Variants in SFMBT2 observed in about 807,000 individuals in gnomAD.
The protein encoded by SFMBT2 is Scm like with four mbt domains 2, also known as scm-like with four MBT domains protein 2.
SFMBT2 carries 38 observed loss-of-function variants against 110.1 expected under a neutral mutation model. The ratio of observed to expected loss-of-function variants is 0.35; its 90% CI spans 0.27 to 0.45. The LOEUF (loss-of-function observed/expected upper bound fraction) is 0.45. SFMBT2 is among the 20% of genes least tolerant of loss of function. The probability of loss-of-function intolerance (pLI) is 1.00; values close to 1 mark genes in which losing one functional copy is unlikely to be tolerated. For missense variants in SFMBT2, 1,011 were observed against 1,094.9 expected, an observed-to-expected ratio of 0.92 and a Z score of 1.08; for synonymous variants, 425 against 425.4, an observed-to-expected ratio of 1.00 and a Z score of 0.01.
At chr10:7,387,546 C>T (rs940537166) in intron 1 of SFMBT2, among the ~76,000 whole-genome samples, 3 of 151,872 alleles carry the variant, frequency 2.0e-5, no homozygotes, top group African/African-American at 7.3e-5. Context: ...GATAGGAAGG[C>T]GAGCTTGGGT....
chr10:7,273,423 T>C (rs140131997), intron 7 of SFMBT2, among the ~76,000 whole-genome samples: 66 of 152,344 alleles, frequency 4.3e-4, no homozygotes, highest in African/African-American at 1.5e-3. Flanking sequence ...GAGAGCTAAG[T>C]TGTAAAATCA....
At chr10:7,350,523 T>C (rs1844278266) in intron 4 of SFMBT2, among the ~76,000 whole-genome samples, 1 of 152,184 alleles carries the variant, frequency 6.6e-6, no homozygotes, top group African/African-American at 2.4e-5. Flanking sequence ...CTTCCCAAAG[T>C]GGCCATGAAC....
intron 4 of SFMBT2, among the ~76,000 whole-genome samples, chr10:7,307,195 G>A (rs575164788): frequency 7.2e-5 from 11 of 152,172 alleles, no homozygotes; most frequent in Admixed American, 2.6e-4. Flanking sequence ...ATACATAAAA[G>A]AAGATGTAAA....
intron 4 of SFMBT2, among the ~76,000 whole-genome samples, chr10:7,287,018 A>G (rs1478180066): frequency 1.3e-5 from 2 of 151,276 alleles, no homozygotes; most frequent in African/African-American, 2.4e-5. Context: ...TAGAAAAGTG[A>G]TAGGACTCAA....
intron 16 of SFMBT2, among the ~76,000 whole-genome samples, chr10:7,179,424 A>C (rs889657099): frequency 3.3e-5 from 5 of 151,482 alleles, no homozygotes; most frequent in Non-Finnish European, 7.4e-5. Flanking sequence ...AAACAAAAGA[A>C]ACAGCACAAC....
chr10:7,407,094 G>A (rs1437897927), intron 1 of SFMBT2, among the ~76,000 whole-genome samples: 2 of 152,132 alleles, frequency 1.3e-5, no homozygotes, highest in African/African-American at 4.8e-5. Flanking sequence ...ATTTATTTAT[G>A]GAAGGGAGAA....
In SFMBT2 at chr10:7,171,874, G is replaced by A. The variant is rs1305331311; in HGVS notation, c.2415+21C>T. 1.1e-5 allele frequency: 15 copies of A among 1,406,616 alleles called. No individual in the cohort carries two copies. Among genetic ancestry groups the A allele is most frequent in the Non-Finnish European group, 1.4e-5 (15 of 1,083,340 alleles). 87.1% of individuals were successfully genotyped at this position (1,406,616 alleles called of 1,614,324 possible). On this transcript the variant is annotated intron_variant, in intron 19 of 20. Coordinates refer to ENST00000397167, the MANE Select transcript of SFMBT2 (RefSeq NM_001387889.1). The surrounding 1 kb of genome is among the most constrained non-coding windows in gnomAD (Gnocchi z 4.9). Reference sequence around the variant, plus strand: ...CTTCAGACCCAGCGGGAAGCCCTCTGTCCCCACGCCCGGGCATCACCTCTG... The same window carrying A: ...CTTCAGACCCAGCGGGAAGCCCTCTATCCCCACGCCCGGGCATCACCTCTG...
chr10:7,263,414 G>T (rs1016771863), intron 7 of SFMBT2, among the ~76,000 whole-genome samples: 2 of 152,082 alleles, frequency 1.3e-5, no homozygotes, highest in South Asian at 4.1e-4. Flanking sequence ...GGAAATTTTT[G>T]TATTTTTAGT....
At chr10:7,396,457 T>G in intron 1 of SFMBT2, among the ~76,000 whole-genome samples, 1 of 152,210 alleles carries the variant, frequency 6.6e-6, no homozygotes, top group South Asian at 2.1e-4. Flanking sequence ...TGATTTAGAA[T>G]CCGGCATCCC....
At chr10:7,304,375 A>G (rs144042685) in intron 4 of SFMBT2, among the ~76,000 whole-genome samples, 173 of 152,240 alleles carry the variant, frequency 1.1e-3, no homozygotes, top group African/African-American at 3.9e-3. Context: ...CTCCCCAGCC[A>G]TGTGGAACTG....
At chr10:7,384,342 A>T (rs1222305984) in intron 1 of SFMBT2, among the ~76,000 whole-genome samples, 1 of 152,006 alleles carries the variant, frequency 6.6e-6, no homozygotes, top group Non-Finnish European at 1.5e-5. Flanking sequence ...AGTGAGCACA[A>T]TCTTAACCGT....
chr10:7,159,542 T>C lies in SFMBT2; in HGVS notation c.*4228A>G, dbSNP rs1837494902. 6.6e-6 allele frequency: 1 copy of C among 152,242 alleles called. No individual in the cohort carries two copies. Among genetic ancestry groups the C allele is most frequent in the Admixed American group, 6.5e-5 (1 of 15,290 alleles). 9.4% of individuals were successfully genotyped at this position (152,242 alleles called of 1,614,324 possible). A position where few individuals can be genotyped will look rare whatever the true frequency, so the allele number is the denominator to read the frequency against. On this transcript the variant is annotated 3_prime_UTR_variant, in exon 21 of 21. Coordinates refer to ENST00000397167, the MANE Select transcript of SFMBT2 (RefSeq NM_001387889.1). ...ACAGATTTCCTTTGCTATTTAATTA[T>C]TGCACCAACGAGATATGGGCAGTAT...
At chr10:7,197,361 A>C (rs1276838961) in intron 15 of SFMBT2, among the ~76,000 whole-genome samples, 187 bp downstream of exon 15, 1 of 152,078 alleles carries the variant, frequency 6.6e-6, no homozygotes, top group Admixed American at 6.5e-5. Context: ...GGAGCCTTTC[A>C]TGGGTCAGAG....
chr10:7,298,090 G>A (rs1842456619), intron 4 of SFMBT2, among the ~76,000 whole-genome samples: 1 of 152,240 alleles, frequency 6.6e-6, no homozygotes. Flanking sequence ...GGCCCTCGCA[G>A]CTTGTCCTTC....
At position 7,171,312 on chromosome 10, in the gene SFMBT2, A is replaced by C. The variant is rs1326965173; in HGVS notation, c.2416-256T>G. 2.2e-6 allele frequency: 2 copies of C among 911,678 alleles called. No individual in the cohort carries two copies. 56.5% of individuals were successfully genotyped at this position (911,678 alleles called of 1,614,324 possible). On this transcript the variant is annotated intron_variant, in intron 19 of 20. Transcript: ENST00000397167. This position sits in a 1 kb window ranked among gnomAD's most constrained non-coding sequence, Gnocchi z 4.9. ...CAGTGACAGTCGCTCTTGCATCCCT[A>C]GTTCAGGAAACCTTGGGCCTGCTTA...
Position 7,301,780 on chromosome 10 carries a change from G to C in SFMBT2, c.437-15826C>G, listed in dbSNP as rs1448178478. 6.6e-6 allele frequency among the ~76,000 whole-genome samples: 1 copy of C among 152,190 alleles called. No individual in the cohort carries two copies. Among genetic ancestry groups the C allele is most frequent in the African/African-American group, 2.4e-5 (1 of 41,456 alleles). On this transcript the variant is annotated intron_variant, in intron 4 of 20. Transcript: ENST00000397167. The surrounding 1 kb of genome is among the most constrained non-coding windows in gnomAD (Gnocchi z 4.2). ...ACAGATGCTAGGAGTCCCCATTCCAGCCTTTCCTGGTGCTGCTGAAAGAAA... is the reference window on the plus strand; with the variant it reads ...ACAGATGCTAGGAGTCCCCATTCCACCCTTTCCTGGTGCTGCTGAAAGAAA...
chr10:7,302,299 A>G lies in SFMBT2; in HGVS notation c.437-16345T>C, dbSNP rs551277271. Among the ~76,000 whole-genome samples the G allele has an allele frequency of 2.0e-5, 3 of 152,312 alleles. No homozygotes were observed. In the East Asian group the frequency reaches 5.8e-4, roughly 29 times the overall value. ...TGTAGTTGAAATATTTCAGCAACAA[A>G]CTCAGTTCTTATAGTCTGAATTCAT... is the stretch of plus-strand genomic sequence containing the variant. On this transcript the variant is annotated intron_variant, in intron 4 of 20. Coordinates refer to ENST00000397167, the MANE Select transcript of SFMBT2 (RefSeq NM_001387889.1).
chr10:7,247,678 A>C (rs533253261), intron 8 of SFMBT2, among the ~76,000 whole-genome samples: 3 of 152,190 alleles, frequency 2.0e-5, no homozygotes, highest in Non-Finnish European at 4.4e-5. Context: ...AGAAATTAAA[A>C]CAGATTTAAA....
chr10:7,319,772 C>CAGAG (rs750459064), intron 4 of SFMBT2, among the ~76,000 whole-genome samples: 1 of 126,738 alleles, frequency 7.9e-6, no homozygotes, highest in Non-Finnish European at 1.7e-5. Flanking sequence ...GAGAGAGACA[C>CAGAG]AGAGAGAGAG....
Sources: allele counts gnomAD v4.1 joint callset (sites outside exome capture counted in the v4.1 genomes callset), GRCh38; gene constraint gnomAD v4.1.1; non-coding constraint Gnocchi (gnomAD v3.1); transcripts MANE v1.5; gene names NCBI Gene and HGNC (gene_info 2026-07-23, HGNC 2026-07-21).